Variants in SLC38A4 observed in about 807,000 individuals in gnomAD.
SLC38A4 encodes solute carrier family 38 member 4, also known as sodium-coupled neutral amino acid transporter 4.
SLC38A4 carries 20 observed loss-of-function variants against 63.1 expected under a neutral mutation model. The observed-to-expected ratio is 0.32, with a 90% CI of 0.22 to 0.46. The LOEUF (loss-of-function observed/expected upper bound fraction) is 0.46. SLC38A4 is among the 20% of genes least tolerant of loss of function. SLC38A4 has a pLI of 1.00. For missense variants in SLC38A4, 526 were observed against 663.6 expected, an observed-to-expected ratio of 0.79 and a Z score of 2.28; for synonymous variants, 230 against 225.5, an observed-to-expected ratio of 1.02 and a Z score of -0.18.
intron 1 of SLC38A4, among the ~76,000 whole-genome samples, chr12:46,804,491 A>G (rs1353897476): frequency 6.6e-6 from 1 of 152,038 alleles, no homozygotes; most frequent in Non-Finnish European, 1.5e-5. Flanking sequence ...TCAAGAATTG[A>G]GGGTTCTTTG....
chr12:46,811,191 A>T (rs981039224), intron 1 of SLC38A4, among the ~76,000 whole-genome samples: 2 of 152,038 alleles, frequency 1.3e-5, no homozygotes, highest in Non-Finnish European at 2.9e-5. Context: ...CAATTAAAAA[A>T]TAAAAGACCC....
chr12:46,799,102 A>G (rs2120851950), intron 2 of SLC38A4, among the ~76,000 whole-genome samples: 1 of 152,172 alleles, frequency 6.6e-6, no homozygotes, highest in Middle Eastern at 3.4e-3. Flanking sequence ...ATAAATTTAG[A>G]TCTGTTTTCT....
intron 16 of SLC38A4, among the ~76,000 whole-genome samples, chr12:46,767,721 G>A (rs1015618124): frequency 5.3e-5 from 8 of 151,918 alleles, no homozygotes; most frequent in African/African-American, 1.9e-4. Flanking sequence ...TTTCCTTATT[G>A]GAAAAACAAT....
In SLC38A4 at chr12:46,815,240, GATATATATATATATATATATATATATAT is replaced by G. The variant is rs56368111; in HGVS notation, c.-305+10635_-305+10662del. 8.1e-3 allele frequency among the ~76,000 whole-genome samples: 724 copies of G among 89,652 alleles called. 19 individuals carry two copies. Among genetic ancestry groups the G allele is most frequent in the African/African-American group, 0.031 (690 of 22,294 alleles). 58.8% of individuals were successfully genotyped at this position (89,652 alleles called of 152,430 possible). ...TTTCAAGGATTATAAATGGCTAAAG[GATATATATATATATATATATATATATAT>G]ATATATATATATATATACACACACA... On this transcript the variant is annotated intron_variant, in intron 1 of 16. Coordinates refer to ENST00000266579, the MANE Select transcript of SLC38A4 (RefSeq NM_018018.5).
chr12:46,796,338 T>A (rs904045112), intron 2 of SLC38A4, among the ~76,000 whole-genome samples: 2 of 152,204 alleles, frequency 1.3e-5, no homozygotes, highest in Admixed American at 1.3e-4. Context: ...GAAGTTCCTT[T>A]TGTTCCCTAA....
At chr12:46,817,656 G>A (rs186868554) in intron 1 of SLC38A4, among the ~76,000 whole-genome samples, 9 of 151,888 alleles carry the variant, frequency 5.9e-5, no homozygotes, top group Admixed American at 4.6e-4. Context: ...TGGACAAAAG[G>A]ATCTCCTCTC....
rs758413694 is a variant in SLC38A4 at position 46,779,932 on chromosome 12, G to C, written c.575+17C>G. On this transcript the variant is annotated intron_variant, in intron 8 of 16. Transcript: ENST00000266579. Reference sequence around the variant, plus strand: ...AGAATGAGTCACTTGATGTCACAGAGGGAGCATAAGACATACCCAGTATTT... The same window carrying C: ...AGAATGAGTCACTTGATGTCACAGACGGAGCATAAGACATACCCAGTATTT... The C allele has an allele frequency of 1.2e-6, 2 of 1,610,290 alleles. No homozygotes were observed. Among genetic ancestry groups the C allele is most frequent in the Admixed American group, 3.3e-5 (2 of 59,848 alleles).
intron 3 of SLC38A4, 48 bp from the exon 4 acceptor site, chr12:46,788,666 T>C (rs1399071753): frequency 1.3e-6 from 2 of 1,482,726 alleles, no homozygotes; most frequent in Admixed American, 3.4e-5. Context: ...TCTAAATATA[T>C]GCTCTGAATC....
chr12:46,813,679 C>A (rs765349382), intron 1 of SLC38A4, among the ~76,000 whole-genome samples: 1 of 151,986 alleles, frequency 6.6e-6, no homozygotes, highest in Non-Finnish European at 1.5e-5. Context: ...AGCACAGAGT[C>A]AAATAGTAGA....
At chr12:46,830,342 T>A (rs1173963757), upstream of SLC38A4, among the ~76,000 whole-genome samples, 1 of 151,198 alleles carries the variant, frequency 6.6e-6, no homozygotes, top group African/African-American at 2.4e-5. Context: ...TCTTCTTGTG[T>A]TGCACAGGAA....
rs367875393 is a variant in SLC38A4, at chr12:46,798,773, G to A, written c.-113+4830C>T. Among the ~76,000 whole-genome samples, 185 of 152,172 alleles carry A rather than the reference G, an allele frequency of 1.2e-3. 4 individuals are homozygous for A. In the South Asian group the frequency reaches 0.023, roughly 19 times the overall value. On this transcript the variant is annotated intron_variant, in intron 2 of 16. Transcript: ENST00000266579. ...GCCTTACATCTATCAATTCTTCAGA[G>A]CGGTCCTCTGAGGTGAGTACAATTT...
At chr12:46,805,153 T>C (rs927956793) in intron 1 of SLC38A4, among the ~76,000 whole-genome samples, 1 of 152,016 alleles carries the variant, frequency 6.6e-6, no homozygotes, top group Non-Finnish European at 1.5e-5. Context: ...AAAGTTTTAC[T>C]CTTCCTAAAA....
rs954521107 is a variant in SLC38A4, at chr12:46,787,367, C to A, written c.326+549G>T. On this transcript the variant is annotated intron_variant, in intron 5 of 16. Transcript: ENST00000266579. Reference sequence around the variant, plus strand: ...TTATGATAAGGTGATTTGCCCCAGTCATGGAGATCAGGGCGCGCAGTATTC... The same window carrying A: ...TTATGATAAGGTGATTTGCCCCAGTAATGGAGATCAGGGCGCGCAGTATTC... Among the ~76,000 whole-genome samples, 6 of 152,082 alleles carry A rather than the reference C, an allele frequency of 3.9e-5. No homozygotes were observed. In the East Asian group the frequency reaches 1.2e-3, roughly 29 times the overall value.
Position 46,765,217 on chromosome 12 carries a change from T to C in SLC38A4, c.*1484A>G, listed in dbSNP as rs939496391. 1.9e-5 allele frequency: 3 copies of C among 155,234 alleles called. No individual in the cohort carries two copies. Among genetic ancestry groups the C allele is most frequent in the Non-Finnish European group, 2.9e-5 (2 of 69,824 alleles). 9.6% of individuals were successfully genotyped at this position (155,234 alleles called of 1,614,324 possible). A position where few individuals can be genotyped will look rare whatever the true frequency, so the allele number is the denominator to read the frequency against. ...TTACTATGATTTGAAAAAAAGGTAGTGAACTCCAGAAGTTTTAGGCTGTGA... is the reference window on the plus strand; with the variant it reads ...TTACTATGATTTGAAAAAAAGGTAGCGAACTCCAGAAGTTTTAGGCTGTGA... On this transcript the variant is annotated 3_prime_UTR_variant, in exon 17 of 17. Transcript: ENST00000266579.
At chr12:46,826,255 T>C (rs1393772849), upstream of SLC38A4, among the ~76,000 whole-genome samples, 2 of 152,034 alleles carry the variant, frequency 1.3e-5, no homozygotes, top group African/African-American at 4.8e-5. Context: ...GTAAAATGAA[T>C]AAATGACGCA....
intron 1 of SLC38A4, chr12:46,824,514 G>A (rs1939609215): frequency 6.6e-6 from 1 of 152,070 alleles, no homozygotes; most frequent in Non-Finnish European, 1.5e-5. Flanking sequence ...GATTTAAAAA[G>A]CAAAGGAAAA....
At chr12:46,811,626 G>A (rs772397161) in intron 1 of SLC38A4, among the ~76,000 whole-genome samples, 2 of 151,996 alleles carry the variant, frequency 1.3e-5, no homozygotes, top group African/African-American at 2.4e-5. Context: ...GTTCCACATA[G>A]AGCTTGAGAT....
chr12:46,810,553 TAAATA>T (rs1464119621), intron 1 of SLC38A4, among the ~76,000 whole-genome samples: 6 of 151,024 alleles, frequency 4.0e-5, no homozygotes, highest in African/African-American at 7.3e-5. Context: ...AAAAAATAAA[TAAATA>T]AAATAAAATA....
chr12:46,818,109 T>C (rs1939476262), intron 1 of SLC38A4, among the ~76,000 whole-genome samples: 2 of 151,908 alleles, frequency 1.3e-5, no homozygotes, highest in Non-Finnish European at 2.9e-5. Flanking sequence ...TCATCTGTCA[T>C]TGTAGTAGGG....
Sources: gnomAD v4.1 joint callset for allele counts (sites outside exome capture counted in the v4.1 genomes callset) on GRCh38, gnomAD v4.1.1 for gene constraint, MANE v1.5 for transcripts, NCBI Gene and HGNC (gene_info 2026-07-23, HGNC 2026-07-21) for gene names.